The following PIP4P2 variants were observed in gnomAD, a reference collection of about 807,000 sequenced individuals.
PIP4P2 encodes type 2 phosphatidylinositol 4,5-bisphosphate 4-phosphatase.
PIP4P2 carries 19 observed loss-of-function variants against 33.3 expected under a neutral mutation model. The observed-to-expected ratio is 0.57, with a 90% CI of 0.40 to 0.84. The LOEUF (loss-of-function observed/expected upper bound fraction) is 0.84. Ranked by LOEUF, PIP4P2 falls within the 40% of genes least tolerant of loss-of-function variation. PIP4P2 has a pLI of 0.00. For missense variants in PIP4P2, 270 were observed against 324.7 expected (o/e 0.83, Z 1.29); for synonymous variants, 110 against 111.9 (o/e 0.98, Z 0.11).
rs1051504906 is a variant in PIP4P2, at chr8:91,040,857, G to T, written c.-108C>A. On this transcript the variant is annotated 5_prime_UTR_variant, in exon 1 of 7. Coordinates refer to ENST00000285419, the MANE Select transcript of PIP4P2 (RefSeq NM_018710.3). ...TGCCGCTGCTGCCGCTGCAGCTGCT[G>T]CTGCTGCCGCCTCCGGGAGGGCCCG... The T allele has an allele frequency of 1.9e-6, 2 of 1,050,980 alleles. No homozygotes were observed. The highest frequency in any genetic ancestry group is 5.2e-5 in the East Asian group (2 of 38,646). The allele number at this position is 1,050,980 out of a possible 1,614,324, so 65.1% of individuals were successfully genotyped here. A position where few individuals can be genotyped will look rare whatever the true frequency, so the allele number is the denominator to read the frequency against.
At chr8:90,999,084 C>T (rs1383128853) in intron 5 of PIP4P2, among the ~76,000 whole-genome samples, 3 of 151,808 alleles carry the variant, frequency 2.0e-5, no homozygotes, top group African/African-American at 7.3e-5. Context: ...AAAACCAGCC[C>T]ATTAAAAAGT....
At chr8:91,025,191 G>A (rs539355356) in intron 1 of PIP4P2, among the ~76,000 whole-genome samples, 2 of 151,262 alleles carry the variant, frequency 1.3e-5, no homozygotes, top group Non-Finnish European at 2.9e-5. Context: ...GAATCGGGGT[G>A]GGGGGGAATT....
intron 4 of PIP4P2, 98 bp from the exon 5 acceptor site, chr8:91,008,893 C>T: frequency 1.0e-6 from 1 of 989,382 alleles, no homozygotes. Flanking sequence ...TCAGGGATCA[C>T]AACAGAAGCA....
rs931014108 is a variant in PIP4P2, at chr8:90,995,031, A to C, written c.*646T>G. ...ATTTATCCAACATCTCCAACTGTGG[A>C]CAAATAAATATTCGTTCTTGTATTT... On this transcript the variant is annotated 3_prime_UTR_variant, in exon 7 of 7. Transcript: ENST00000285419. 1 of 152,360 alleles carries C rather than the reference A, an allele frequency of 6.6e-6. No individual in the cohort carries two copies. The highest frequency in any genetic ancestry group is 1.5e-5 in the Non-Finnish European group (1 of 67,970). 9.4% of individuals were successfully genotyped at this position (152,360 alleles called of 1,614,324 possible).
At chr8:91,021,613 T>A (rs963177495) in intron 1 of PIP4P2, among the ~76,000 whole-genome samples, 3 of 152,160 alleles carry the variant, frequency 2.0e-5, no homozygotes, top group Admixed American at 1.3e-4. Flanking sequence ...TCTGATAAAA[T>A]CTAAATCATG....
At chr8:91,015,536 TAATTAATGGCTTCAG>T (rs879563137) in intron 4 of PIP4P2, among the ~76,000 whole-genome samples, 6 of 152,194 alleles carry the variant, frequency 3.9e-5, no homozygotes, top group Non-Finnish European at 8.8e-5. Flanking sequence ...AGAAAAAATG[TAATTAATGGCTTCAG>T]AAAGATGTTT....
chr8:91,019,106 T>A (rs1020391999), intron 3 of PIP4P2, among the ~76,000 whole-genome samples: 1 of 152,038 alleles, frequency 6.6e-6, no homozygotes, highest in Non-Finnish European at 1.5e-5. Context: ...TTTATATACT[T>A]GTATCTGGGG....
At chr8:91,012,013 A>G (rs2130360955) in intron 4 of PIP4P2, among the ~76,000 whole-genome samples, 1 of 152,064 alleles carries the variant, frequency 6.6e-6, no homozygotes, top group East Asian at 1.9e-4. Flanking sequence ...TCCTTGAGAG[A>G]ATTCTCTCTC....
chr8:91,024,422 A>G (rs1314125939), intron 1 of PIP4P2: 1 of 347,784 alleles, frequency 2.9e-6, no homozygotes, highest in East Asian at 8.2e-5. Flanking sequence ...GGATTATTAT[A>G]GATTAAACCT....
intron 1 of PIP4P2, among the ~76,000 whole-genome samples, chr8:91,022,881 T>G (rs113125210): frequency 6.6e-6 from 1 of 152,168 alleles, no homozygotes; most frequent in African/African-American, 2.4e-5. Flanking sequence ...GAAATGACGA[T>G]ATGCTTATGT....
intron 1 of PIP4P2, among the ~76,000 whole-genome samples, chr8:91,034,027 T>C (rs1207725675): frequency 6.6e-6 from 1 of 152,108 alleles, no homozygotes; most frequent in Non-Finnish European, 1.5e-5. Flanking sequence ...TTCCAAAGGC[T>C]GATCCAACTC....
chr8:91,008,916 C>T (rs1399842433), intron 4 of PIP4P2, 121 bp from the exon 5 acceptor site: 8 of 727,638 alleles, frequency 1.1e-5, no homozygotes, highest in East Asian at 8.0e-5. Flanking sequence ...CACCTTCTCA[C>T]GGTTACATGA....
chr8:91,011,684 C>G (rs1341546730), intron 4 of PIP4P2, among the ~76,000 whole-genome samples: 1 of 151,956 alleles, frequency 6.6e-6, no homozygotes, highest in African/African-American at 2.4e-5. Flanking sequence ...AATAAATGTG[C>G]CATTGAATAC....
intron 5 of PIP4P2, 84 bp from the exon 6 acceptor site, chr8:90,996,828 CT>C: frequency 9.4e-7 from 1 of 1,061,148 alleles, no homozygotes; most frequent in Non-Finnish European, 1.4e-6. Flanking sequence ...TTATCTATGG[CT>C]TTAGTAATAT....
intron 1 of PIP4P2, among the ~76,000 whole-genome samples, chr8:91,030,792 T>G (rs1444351414): frequency 6.6e-6 from 1 of 152,210 alleles, no homozygotes; most frequent in Non-Finnish European, 1.5e-5. Flanking sequence ...CTATTCTTCA[T>G]CTCATTGTTT....
chr8:91,040,757 G>T lies in PIP4P2; in HGVS notation c.-8C>A. ...CACCCCATCAGCAGCCATGACTGCG[G>T]CAGCGGCGGGGCCTGGGGAGGCCGA... On this transcript the variant is annotated 5_prime_UTR_variant, in exon 1 of 7. Transcript: ENST00000285419. 6.2e-7 allele frequency: 1 copy of T among 1,611,220 alleles called. No homozygotes were observed. The highest frequency in any genetic ancestry group is 8.5e-7 in the Non-Finnish European group (1 of 1,179,772).
chr8:90,995,738 A>T lies in PIP4P2; in HGVS notation c.713T>A (p.Leu238His). 6.2e-7 allele frequency: 1 copy of T among 1,613,532 alleles called. No homozygotes were observed. The highest frequency in any genetic ancestry group is 8.5e-7 in the Non-Finnish European group (1 of 1,179,636). Residue 238 changes from leucine to histidine, a missense_variant, in exon 7 of 7, where the codon CTT becomes CAT. By Grantham distance (99) the Leu-to-His change is moderately conservative. Transcript: ENST00000285419. ...AIAYLLGLIC[L>H]IRACYWGAIR... is the part of the protein sequence containing the mutation. Reference sequence around the variant, plus strand: ...GGCTCCCCAATAACAAGCTCGGATAAGGCAGATCAATCCTAGGAGATAAGC... The same window carrying T: ...GGCTCCCCAATAACAAGCTCGGATATGGCAGATCAATCCTAGGAGATAAGC...
intron 4 of PIP4P2, among the ~76,000 whole-genome samples, chr8:91,017,737 T>C (rs1297823223): frequency 2.0e-5 from 3 of 152,166 alleles, no homozygotes; most frequent in Admixed American, 6.5e-5. Flanking sequence ...GTCTCCTATA[T>C]GGGCTGAACA....
intron 1 of PIP4P2, among the ~76,000 whole-genome samples, chr8:91,040,379 T>TAC (rs1176773259): frequency 6.9e-6 from 1 of 144,728 alleles, no homozygotes; most frequent in East Asian, 2.0e-4. Flanking sequence ...AGTGGTGAAA[T>TAC]ACACACACAC....
Sources: allele counts gnomAD v4.1 joint callset (sites outside exome capture counted in the v4.1 genomes callset), GRCh38; gene constraint gnomAD v4.1.1; transcripts MANE v1.5; gene names NCBI Gene and HGNC (gene_info 2026-07-23, HGNC 2026-07-21).